Variants in SLC27A6 observed in about 807,000 individuals in gnomAD.
The protein encoded by SLC27A6 is long-chain fatty acid transport protein 6.
SLC27A6 carries 74 observed loss-of-function variants against 63.9 expected under a neutral mutation model. The ratio of observed to expected loss-of-function variants is 1.16; its 90% CI spans 0.96 to 1.40. The LOEUF is 1.40. Among genes scored for constraint, SLC27A6 ranks in the 40% most tolerant of loss-of-function variants. SLC27A6 has a pLI of 0.00. For synonymous variants in SLC27A6, 287 were observed against 260.8 expected, an observed-to-expected ratio of 1.10 and a Z score of -0.97; for missense variants, 794 against 732.9, an observed-to-expected ratio of 1.08 and a Z score of -0.96.
intron 1 of SLC27A6, among the ~76,000 whole-genome samples, chr5:128,971,023 G>T (rs1022056293): frequency 6.6e-6 from 1 of 152,182 alleles, no homozygotes; most frequent in African/African-American, 2.4e-5. Flanking sequence ...TTACCCAGTA[G>T]TCATTCAGGA....
At chr5:128,982,026 C>T (rs1318115044) in intron 1 of SLC27A6, among the ~76,000 whole-genome samples, 1 of 151,986 alleles carries the variant, frequency 6.6e-6, no homozygotes, top group Non-Finnish European at 1.5e-5. Flanking sequence ...GTTGGCCAGG[C>T]TCTTCTTTAA....
At chr5:129,032,139 A>C (rs150310650) in intron 9 of SLC27A6, among the ~76,000 whole-genome samples, 3 of 152,030 alleles carry the variant, frequency 2.0e-5, no homozygotes, top group African/African-American at 7.2e-5. Flanking sequence ...GACTCATGGC[A>C]TCTTTAATGT....
intron 1 of SLC27A6, among the ~76,000 whole-genome samples, chr5:128,978,893 A>G (rs257898): frequency 0.66 from 100,118 of 151,874 alleles, 33,718 homozygotes; most frequent in East Asian, 0.88. Context: ...AAATACACAA[A>G]CACATATTAC....
Position 129,028,447 on chromosome 5 carries a change from A to G in SLC27A6, c.1552+5A>G. On this transcript the variant is annotated splice_donor_5th_base_variant and intron_variant, in intron 8 of 9. Transcript: ENST00000262462. ...TCTATGGTGTGGCTATATCAGGTAT[A>G]AATATATTTCAGATTTTGGAAAGAT... 1 of 1,535,432 alleles carries G rather than the reference A, an allele frequency of 6.5e-7. No individual in the cohort carries two copies. The highest frequency in any genetic ancestry group is 9.0e-7 in the Non-Finnish European group (1 of 1,115,698).
chr5:129,006,292 G>A (rs1045416716), intron 4 of SLC27A6, among the ~76,000 whole-genome samples: 7 of 151,392 alleles, frequency 4.6e-5, no homozygotes, highest in African/African-American at 7.3e-5. Flanking sequence ...GGGTTTCACC[G>A]TGTTAGCCAG....
intron 1 of SLC27A6, among the ~76,000 whole-genome samples, chr5:128,980,671 T>C (rs1179958025): frequency 6.6e-6 from 1 of 152,236 alleles, no homozygotes; most frequent in African/African-American, 2.4e-5. Flanking sequence ...GCAAGATCTC[T>C]AATTTCACTT....
chr5:129,012,674 A>G (rs1471542683), intron 4 of SLC27A6, among the ~76,000 whole-genome samples: 1 of 152,010 alleles, frequency 6.6e-6, no homozygotes, highest in Non-Finnish European at 1.5e-5. Flanking sequence ...TGACCCCTTT[A>G]TTATTATTAA....
intron 4 of SLC27A6, among the ~76,000 whole-genome samples, chr5:129,008,240 A>T (rs969601035): frequency 6.6e-6 from 1 of 152,100 alleles, no homozygotes; most frequent in Non-Finnish European, 1.5e-5. Context: ...GGAAAGAAAA[A>T]TTTTTTAAAA....
chr5:129,032,102 T>C (rs919147063), intron 9 of SLC27A6, among the ~76,000 whole-genome samples: 29 of 152,176 alleles, frequency 1.9e-4, no homozygotes, highest in African/African-American at 6.7e-4. Context: ...TTTAAACACC[T>C]TGAAACAGAG....
chr5:129,003,466 T>A (rs1751411254), intron 4 of SLC27A6, among the ~76,000 whole-genome samples: 1 of 152,302 alleles, frequency 6.6e-6, no homozygotes, highest in East Asian at 1.9e-4. Context: ...TTGATGTAGC[T>A]GAGTTCTGCT....
At position 128,971,617 on chromosome 5, in the gene SLC27A6, G is replaced by A. The variant is rs529874320; in HGVS notation, c.481+4999G>A. Among the ~76,000 whole-genome samples, 13 of 151,306 alleles carry A rather than the reference G, an allele frequency of 8.6e-5. No individual in the cohort carries two copies. The East Asian group carries it at 1.7e-3, about 20-fold the overall frequency. On this transcript the variant is annotated intron_variant, in intron 1 of 9. Transcript: ENST00000262462. ...TTTTTTGTTTTCCATTTGGTTGGTCGGTCTTCCTGCATCCCTTTATTTTGA... is the reference window on the plus strand; with the variant it reads ...TTTTTTGTTTTCCATTTGGTTGGTCAGTCTTCCTGCATCCCTTTATTTTGA...
At chr5:128,981,673 CAATGGT>C (rs1402566626) in intron 1 of SLC27A6, among the ~76,000 whole-genome samples, 1 of 152,034 alleles carries the variant, frequency 6.6e-6, no homozygotes, top group Non-Finnish European at 1.5e-5. Flanking sequence ...CTACAGGTAT[CAATGGT>C]AATGCAGTGA....
At chr5:128,972,275 G>A (rs555690095) in intron 1 of SLC27A6, among the ~76,000 whole-genome samples, 20 of 152,194 alleles carry the variant, frequency 1.3e-4, no homozygotes, top group East Asian at 3.9e-4. Flanking sequence ...TCTTTGTGGC[G>A]TTGTCTGTAT....
chr5:128,976,069 CTA>C (rs1220255981), intron 1 of SLC27A6, among the ~76,000 whole-genome samples: 1 of 151,992 alleles, frequency 6.6e-6, no homozygotes, highest in African/African-American at 2.4e-5. Flanking sequence ...GCCAAACAGT[CTA>C]TTCTACTAAA....
At chr5:129,027,460 TA>T (rs1752283361) in intron 7 of SLC27A6, 129 bp downstream of exon 7, 1 of 671,794 alleles carries the variant, frequency 1.5e-6, no homozygotes, top group Admixed American at 2.6e-5. Flanking sequence ...GTCTCCTCAT[TA>T]AAACATTTAT....
At position 128,988,601 on chromosome 5, in the gene SLC27A6, T is replaced by C; in HGVS notation, c.687T>C (p.Gly229=). 6.2e-7 allele frequency: 1 copy of C among 1,613,590 alleles called. No homozygotes were observed. The highest frequency in any genetic ancestry group is 8.5e-7 in the Non-Finnish European group (1 of 1,179,756). The part of the protein sequence containing the change: ...CLYIFTSGTT[G]LPKAAVISQL... Reference sequence around the variant, plus strand: ...TCCTGTTCTTTTCTTTTCTTCCAGGTCTACCAAAAGCAGCTGTGATTAGTC... The same window carrying C: ...TCCTGTTCTTTTCTTTTCTTCCAGGCCTACCAAAAGCAGCTGTGATTAGTC... Residue 229 remains glycine, a splice_region_variant and synonymous_variant, in exon 3 of 10, where the codon GGT becomes GGC. Coordinates refer to ENST00000262462, the MANE Select transcript of SLC27A6 (RefSeq NM_001017372.3).
chr5:129,016,941 C>A (rs560824609), intron 5 of SLC27A6, among the ~76,000 whole-genome samples: 211 of 152,188 alleles, frequency 1.4e-3, no homozygotes, highest in Non-Finnish European at 2.3e-3. Flanking sequence ...CTTCCACTGG[C>A]TTGGAAAAAA....
At chr5:129,025,000 A>C (rs1251208098) in intron 6 of SLC27A6, among the ~76,000 whole-genome samples, 1 of 152,148 alleles carries the variant, frequency 6.6e-6, no homozygotes, top group Non-Finnish European at 1.5e-5. Flanking sequence ...TGGGAAAATA[A>C]TTTCTGAGCA....
chr5:128,998,953 C>G (rs1751246795), intron 4 of SLC27A6, among the ~76,000 whole-genome samples: 1 of 152,090 alleles, frequency 6.6e-6, no homozygotes, highest in Admixed American at 6.6e-5. Flanking sequence ...TTAATGACAA[C>G]TTTTCTATTA....
Sources: allele counts gnomAD v4.1 joint callset (sites outside exome capture counted in the v4.1 genomes callset), GRCh38; gene constraint gnomAD v4.1.1; transcripts MANE v1.5; gene names NCBI Gene and HGNC (gene_info 2026-07-23, HGNC 2026-07-21).